Variants in RAD54B observed in about 807,000 individuals in gnomAD.
RAD54B encodes the protein RAD54 homolog B.
Under a neutral mutation model 95.8 loss-of-function variants are expected in RAD54B, and 78 were observed. That is an observed-to-expected ratio of 0.81 (90% CI 0.68 to 0.98). The LOEUF (loss-of-function observed/expected upper bound fraction) is 0.98. RAD54B is among the 50% of genes least tolerant of loss of function. The pLI, the probability that RAD54B is intolerant of heterozygous loss-of-function variation, is 0.00. For missense variants in RAD54B, 957 were observed against 1,056.6 expected (o/e 0.91, Z 1.31); for synonymous variants, 328 against 354.9 (o/e 0.92, Z 0.85).
At chr8:94,373,808 T>A (rs1215638668) in intron 14 of RAD54B, among the ~76,000 whole-genome samples, 1 of 152,156 alleles carries the variant, frequency 6.6e-6, no homozygotes, top group Non-Finnish European at 1.5e-5. Context: ...TATGGGAAAT[T>A]TCAAATAAAT....
At chr8:94,375,875 C>A (rs943752653) in intron 14 of RAD54B, among the ~76,000 whole-genome samples, 1 of 151,886 alleles carries the variant, frequency 6.6e-6, no homozygotes, top group Non-Finnish European at 1.5e-5. Context: ...GTGGTGGTTT[C>A]TTTTGATGTA....
At chr8:94,456,777 C>T (rs913944567) in intron 3 of RAD54B, among the ~76,000 whole-genome samples, 3 of 152,138 alleles carry the variant, frequency 2.0e-5, no homozygotes, top group African/African-American at 7.2e-5. Flanking sequence ...CATCTCTATG[C>T]TTTTCTATAT....
intron 3 of RAD54B, among the ~76,000 whole-genome samples, chr8:94,427,019 T>C (rs1811959645): frequency 6.6e-6 from 1 of 152,224 alleles, no homozygotes; most frequent in Admixed American, 6.5e-5. Context: ...AAACATTAAT[T>C]GCAGAATCTA....
intron 5 of RAD54B, among the ~76,000 whole-genome samples, chr8:94,405,398 G>C (rs1811363824): frequency 6.6e-6 from 1 of 152,110 alleles, no homozygotes; most frequent in South Asian, 2.1e-4. Flanking sequence ...AAAAGAAATA[G>C]ACTCCAGTAG....
intron 2 of RAD54B, among the ~76,000 whole-genome samples, chr8:94,467,052 C>T (rs1813041761): frequency 6.6e-6 from 1 of 152,124 alleles, no homozygotes; most frequent in African/African-American, 2.4e-5. Context: ...CCTCAGCCTC[C>T]CGAGTAGCTG....
intron 3 of RAD54B, among the ~76,000 whole-genome samples, chr8:94,453,374 C>CA (rs1033814973): frequency 1.4e-4 from 21 of 151,944 alleles, no homozygotes; most frequent in Middle Eastern, 3.4e-3. Context: ...ACTAAAAATA[C>CA]AAAAAAATTA....
intron 7 of RAD54B, 83 bp from the exon 8 acceptor site, chr8:94,399,704 C>T (rs926432036): frequency 1.4e-5 from 20 of 1,450,836 alleles, no homozygotes; most frequent in Admixed American, 5.1e-5. Flanking sequence ...CTGACAGTCA[C>T]TTACTAAGAA....
chr8:94,471,864 T>C (rs143638334), intron 1 of RAD54B, among the ~76,000 whole-genome samples: 1,916 of 151,922 alleles, frequency 0.013, 19 homozygotes, highest in Middle Eastern at 0.062. Flanking sequence ...TGTTAGTCCA[T>C]ATAAAAGAAA....
In RAD54B at chr8:94,461,187, T is replaced by C. The variant is rs201300776; in HGVS notation, c.136-2751A>G. ...TTTTTTTTTTTTTTTTTTTTTTTTT[T>C]TTGAGACGGAGTTTTGCTCTTGTGG... On this transcript the variant is annotated intron_variant, in intron 2 of 14. Transcript: ENST00000336148. 3.9e-5 allele frequency among the ~76,000 whole-genome samples: 5 copies of C among 128,016 alleles called. No individual in the cohort carries two copies. In the East Asian group the frequency reaches 7.1e-4, roughly 18 times the overall value. 84.0% of individuals were successfully genotyped at this position (128,016 alleles called of 152,430 possible).
intron 14 of RAD54B, among the ~76,000 whole-genome samples, chr8:94,373,267 G>A (rs1274756319): frequency 2.0e-5 from 3 of 152,224 alleles, no homozygotes; most frequent in Non-Finnish European, 4.4e-5. Context: ...GCACAGTGAA[G>A]CAAGTATTCA....
At chr8:94,451,972 C>A (rs556149125) in intron 3 of RAD54B, among the ~76,000 whole-genome samples, 3 of 152,244 alleles carry the variant, frequency 2.0e-5, no homozygotes, top group African/African-American at 7.2e-5. Context: ...AGCTTATAAA[C>A]AATAGAAATG....
intron 3 of RAD54B, chr8:94,436,442 C>G: frequency 6.8e-7 from 1 of 1,476,462 alleles, no homozygotes. Context: ...AAGCCAAAGC[C>G]CAATAGATAG....
intron 3 of RAD54B, among the ~76,000 whole-genome samples, chr8:94,435,382 T>C (rs1411111261): frequency 6.6e-6 from 1 of 152,040 alleles, no homozygotes; most frequent in Non-Finnish European, 1.5e-5. Context: ...CAAAATAACA[T>C]ATGCACTTGG....
At chr8:94,411,028 C>A (rs1405258320) in intron 4 of RAD54B, 93 bp downstream of exon 4, 2 of 933,012 alleles carry the variant, frequency 2.1e-6, no homozygotes, top group African/African-American at 3.4e-5. Context: ...ACCTTATCAT[C>A]TCTTTATAAA....
At chr8:94,381,127 T>A (rs570597390) in intron 11 of RAD54B, among the ~76,000 whole-genome samples, 59 of 150,318 alleles carry the variant, frequency 3.9e-4, no homozygotes, top group East Asian at 3.7e-3. Context: ...CCCTGTCTTT[T>A]AAAAAAAAAA....
Position 94,467,417 on chromosome 8 carries a change from T to C in RAD54B, c.123A>G (p.Ile41Met). ...NEEITKLNPD[I>M]KLFEGVAINN... The stretch of plus-strand genomic sequence containing the variant: ...TTTTTTGCCTTACCTCAAATAATTT[T>C]ATATCTGGATTCAGTTTTGTAATCT... The change falls in exon 2 of 15, where the codon ATA becomes ATG. Residue 41 changes from isoleucine (I) to methionine (M), a missense_variant. Coordinates refer to ENST00000336148, the MANE Select transcript of RAD54B (RefSeq NM_012415.3). 6.2e-7 allele frequency: 1 copy of C among 1,608,124 alleles called. No individual in the cohort carries two copies. Among genetic ancestry groups the C allele is most frequent in the Non-Finnish European group, 8.5e-7 (1 of 1,177,124 alleles).
chr8:94,447,009 G>T (rs1449272877), intron 3 of RAD54B, among the ~76,000 whole-genome samples: 6 of 151,870 alleles, frequency 4.0e-5, no homozygotes, highest in Non-Finnish European at 7.4e-5. Flanking sequence ...TAAAAATAGG[G>T]CAAAAACTAG....
rs1810701423 is a variant in RAD54B, at chr8:94,380,238, T to A, written c.2154A>T (p.Leu718Phe). 1 of 1,613,702 alleles carries A rather than the reference T, an allele frequency of 6.2e-7. No homozygotes were observed. The highest frequency in any genetic ancestry group is 8.5e-7 in the Non-Finnish European group (1 of 1,179,902). The change falls in exon 12 of 15, where the codon TTA (leucine) becomes TTT (phenylalanine). Residue 718 changes from leucine (L) to phenylalanine (F), a missense_variant. By Grantham distance (22) the Leu-to-Phe change is conservative (BLOSUM62 0). Coordinates refer to ENST00000336148, the MANE Select transcript of RAD54B (RefSeq NM_012415.3). The part of the protein sequence containing the change: ...SQHSSFFIFL[L>F]SSKAGGVGLN... ...GTCCTACACCACCAGCTTTTGAACT[T>A]AACAAAAAAATAAAAAAAGAAGAGT...
chr8:94,470,691 G>C (rs1813148926), intron 1 of RAD54B, among the ~76,000 whole-genome samples: 2 of 151,974 alleles, frequency 1.3e-5, no homozygotes, highest in Non-Finnish European at 1.5e-5. Context: ...CCAGGAGGCA[G>C]AGGTTGCAGT....
Sources: allele counts gnomAD v4.1 joint callset (sites outside exome capture counted in the v4.1 genomes callset), GRCh38; gene constraint gnomAD v4.1.1; transcripts MANE v1.5; gene names NCBI Gene and HGNC (gene_info 2026-07-23, HGNC 2026-07-21).